The following TENM4 variants were observed in gnomAD, a reference collection of about 807,000 sequenced individuals.
TENM4 encodes the protein teneurin transmembrane protein 4.
TENM4 carries 82 observed loss-of-function variants against 243.3 expected under a neutral mutation model. The ratio of observed to expected loss-of-function variants is 0.34; its 90% confidence interval spans 0.28 to 0.40. The LOEUF (loss-of-function observed/expected upper bound fraction) is 0.40. Ranked by LOEUF, TENM4 falls within the 10% of genes least tolerant of loss-of-function variation. The probability of loss-of-function intolerance (pLI) is 1.00; values close to 1 mark genes in which losing one functional copy is unlikely to be tolerated. For synonymous variants in TENM4, 1,412 were observed against 1,456.3 expected (o/e 0.97, Z 0.69); for missense variants, 3,138 against 3,673.3 (o/e 0.85, Z 3.77).
intron 1 of TENM4, among the ~76,000 whole-genome samples, chr11:79,365,874 C>T (rs1162157712): frequency 6.6e-6 from 1 of 152,086 alleles, no homozygotes; most frequent in Non-Finnish European, 1.5e-5. Flanking sequence ...TAGAAAAAAC[C>T]TGTGGTGGGG....
intron 6 of TENM4, among the ~76,000 whole-genome samples, chr11:78,953,906 A>G (rs1395578138): frequency 6.6e-6 from 1 of 152,190 alleles, no homozygotes; most frequent in Non-Finnish European, 1.5e-5. Context: ...GCCCAAGACT[A>G]CACAGCACAG....
intron 12 of TENM4, among the ~76,000 whole-genome samples, chr11:78,849,032 T>C (rs1253012053): frequency 6.6e-6 from 1 of 152,198 alleles, no homozygotes; most frequent in Non-Finnish European, 1.5e-5. Flanking sequence ...CAATTCTCAT[T>C]TCTTTTCTCT....
chr11:79,404,366 G>C (rs577088750), intron 1 of TENM4, among the ~76,000 whole-genome samples: 1 of 152,136 alleles, frequency 6.6e-6, no homozygotes, highest in South Asian at 2.1e-4. Flanking sequence ...AAAACATAAG[G>C]GTTAAATTTT....
chr11:79,239,341 G>A (rs1210999956), intron 2 of TENM4, among the ~76,000 whole-genome samples: 1 of 152,132 alleles, frequency 6.6e-6, no homozygotes, highest in African/African-American at 2.4e-5. Flanking sequence ...GAAGGAAAAG[G>A]GAGTCATATT....
intron 12 of TENM4, among the ~76,000 whole-genome samples, chr11:78,844,606 C>T (rs565792084): frequency 1.1e-4 from 16 of 151,814 alleles, no homozygotes; most frequent in African/African-American, 3.6e-4. Flanking sequence ...TGCGCCAATG[C>T]ACTCCAGCCT....
Position 79,136,915 on chromosome 11 carries a change from A to G in TENM4, c.-66+11795T>C, listed in dbSNP as rs1207814412. 3.9e-5 allele frequency among the ~76,000 whole-genome samples: 6 copies of G among 152,150 alleles called. No individual in the cohort carries two copies. In the East Asian group the frequency reaches 7.7e-4, roughly 20 times the overall value. ...TTTTGAAGTCACAGTTACAAAGCCA[A>G]CTAGGTGACAATACTTTGCAGGGCT... is the stretch of plus-strand genomic sequence containing the variant. On this transcript the variant is annotated intron_variant, in intron 4 of 33. Transcript: ENST00000278550.
Position 78,689,583 on chromosome 11 carries a change from T to C in TENM4, c.5088-1357A>G, listed in dbSNP as rs7102688. ...TGAAAGGTCAGAGAGTTCAGCTCTG[T>C]CCAGGCTCTTCCTTCAGCTGGGCCT... On this transcript the variant is annotated intron_variant, in intron 28 of 33. Coordinates refer to ENST00000278550, the MANE Select transcript of TENM4 (RefSeq NM_001098816.3). 6.7e-3 allele frequency among the ~76,000 whole-genome samples: 1,027 copies of C among 152,286 alleles called. 16 individuals are homozygous for C. The highest frequency in any genetic ancestry group is 0.024 in the African/African-American group (997 of 41,564).
intron 1 of TENM4, among the ~76,000 whole-genome samples, chr11:79,315,610 T>C (rs556656745): frequency 6.6e-6 from 1 of 152,308 alleles, no homozygotes; most frequent in South Asian, 2.1e-4. Flanking sequence ...CCATGGGAGC[T>C]TGTTAGACAT....
chr11:78,698,078 T>C (rs1204251339), intron 28 of TENM4, among the ~76,000 whole-genome samples: 1 of 152,192 alleles, frequency 6.6e-6, no homozygotes, highest in Non-Finnish European at 1.5e-5. Flanking sequence ...TACTATTTAA[T>C]CTTTTAAGAG....
chr11:78,733,285 T>G (rs1855709962), intron 20 of TENM4, among the ~76,000 whole-genome samples: 1 of 152,230 alleles, frequency 6.6e-6, no homozygotes, highest in African/African-American at 2.4e-5. Flanking sequence ...TCTGGAGAGC[T>G]GGCAGCCCAG....
chr11:79,314,101 C>T (rs989447229), intron 1 of TENM4, among the ~76,000 whole-genome samples: 5 of 152,104 alleles, frequency 3.3e-5, no homozygotes, highest in African/African-American at 9.7e-5. Context: ...GTCATGAAGG[C>T]CTGGGTTCAA....
intron 1 of TENM4, among the ~76,000 whole-genome samples, chr11:79,305,972 A>G (rs998666539): frequency 1.3e-5 from 2 of 152,200 alleles, no homozygotes; most frequent in African/African-American, 2.4e-5. Flanking sequence ...TCAGGAACCA[A>G]CTGCAAAACC....
At position 79,061,015 on chromosome 11, in the gene TENM4, G is replaced by A. The variant is rs79418628; in HGVS notation, c.493+3723C>T. Among the ~76,000 whole-genome samples, 109 of 152,258 alleles carry A rather than the reference G, an allele frequency of 7.2e-4. No homozygotes were observed. The East Asian group carries it at 0.016, about 23-fold the overall frequency. ...GAACTAGAGAAAGATGGGAGAAGGG[G>A]AAGGTAAAAGAAAAGGGAGAGACAG... On this transcript the variant is annotated intron_variant, in intron 6 of 33. Coordinates refer to ENST00000278550, the MANE Select transcript of TENM4 (RefSeq NM_001098816.3).
At chr11:79,393,992 CA>C (rs1028867936) in intron 1 of TENM4, among the ~76,000 whole-genome samples, 9 of 152,152 alleles carry the variant, frequency 5.9e-5, no homozygotes, top group Admixed American at 2.6e-4. Context: ...GAAGCCTTGG[CA>C]GGGGCCTCAG....
chr11:78,973,286 C>T (rs1170876896), intron 6 of TENM4, among the ~76,000 whole-genome samples: 1 of 152,206 alleles, frequency 6.6e-6, no homozygotes, highest in Non-Finnish European at 1.5e-5. Flanking sequence ...ATTTTAAATG[C>T]CCACTGGCAG....
chr11:78,962,837 G>C (rs756815253), intron 6 of TENM4, among the ~76,000 whole-genome samples: 9 of 152,348 alleles, frequency 5.9e-5, no homozygotes, highest in South Asian at 2.1e-4. Flanking sequence ...GACCTGCCTG[G>C]AACAGGCCCT....
intron 1 of TENM4, among the ~76,000 whole-genome samples, chr11:79,397,703 G>A (rs1858374588): frequency 6.6e-6 from 1 of 152,196 alleles, no homozygotes; most frequent in South Asian, 2.1e-4. Context: ...AGGTCTGGGG[G>A]ATCACAGTAC....
chr11:79,050,569 C>T (rs1859767461), intron 6 of TENM4, among the ~76,000 whole-genome samples: 1 of 152,222 alleles, frequency 6.6e-6, no homozygotes, highest in African/African-American at 2.4e-5. Flanking sequence ...TGCATCTTTA[C>T]AAGCAGCTGG....
chr11:79,238,082 C>G (rs181299543), intron 2 of TENM4, among the ~76,000 whole-genome samples: 303 of 152,282 alleles, frequency 2.0e-3, no homozygotes, highest in Non-Finnish European at 3.6e-3. Flanking sequence ...GCTGGGAGCA[C>G]TGCTGTACTA....
Sources: allele counts gnomAD v4.1 joint callset (sites outside exome capture counted in the v4.1 genomes callset), GRCh38; gene constraint gnomAD v4.1.1; transcripts MANE v1.5; gene names NCBI Gene and HGNC (gene_info 2026-07-23, HGNC 2026-07-21).